NAV2: variants seen among roughly 807,000 people sequenced by gnomAD.
The protein encoded by NAV2 is helicase, APC down-regulated 1.
In NAV2, 54 loss-of-function variants were observed where a neutral mutation model predicts 223.2. The observed-to-expected ratio is 0.24, with a 90% CI of 0.19 to 0.30. NAV2 has a LOEUF of 0.30. Among genes scored for constraint, NAV2 ranks in the 10% least tolerant of loss-of-function variants. NAV2 has a pLI of 1.00. For synonymous variants in NAV2, 1,279 were observed against 1,239.3 expected (o/e 1.03, Z -0.67); for missense variants, 2,806 against 3,147.5 (o/e 0.89, Z 2.60).
chr11:19,848,908 G>A (rs116112030), intron 3 of NAV2, among the ~76,000 whole-genome samples: 1 of 152,156 alleles, frequency 6.6e-6, no homozygotes, highest in African/African-American at 2.4e-5. Context: ...GAACACTGTG[G>A]TCAGTCTCGC....
chr11:19,396,146 C>T (rs563789924), intron 1 of NAV2, among the ~76,000 whole-genome samples: 1 of 152,274 alleles, frequency 6.6e-6, no homozygotes, highest in East Asian at 1.9e-4. Context: ...TGTGAATAAC[C>T]AGTCTCAGCA....
intron 1 of NAV2, among the ~76,000 whole-genome samples, chr11:19,387,195 A>G (rs1410098646): frequency 2.0e-5 from 3 of 152,104 alleles, no homozygotes; most frequent in Non-Finnish European, 2.9e-5. Context: ...AATTTTCCAT[A>G]TCCTGCTGGG....
At chr11:19,386,260 A>G (rs1257006527) in intron 1 of NAV2, among the ~76,000 whole-genome samples, 1 of 152,210 alleles carries the variant, frequency 6.6e-6, no homozygotes, top group African/African-American at 2.4e-5. Flanking sequence ...TGAAAAACTG[A>G]TATCATTTTA....
intron 1 of NAV2, among the ~76,000 whole-genome samples, chr11:19,771,652 A>G (rs1238818857): frequency 1.3e-5 from 2 of 152,144 alleles, no homozygotes; most frequent in Non-Finnish European, 2.9e-5. Context: ...TGACAAATTA[A>G]ACCCTGTCAA....
intron 1 of NAV2, among the ~76,000 whole-genome samples, chr11:19,794,743 G>T (rs2057777422): frequency 1.3e-5 from 2 of 152,128 alleles, no homozygotes; most frequent in African/African-American, 4.8e-5. Context: ...GATGTCTAGA[G>T]AGAAAATGCC....
At chr11:20,035,872 G>A (rs372602240) in intron 11 of NAV2, 87 bp from the exon 12 acceptor site, 23 of 1,508,578 alleles carry the variant, frequency 1.5e-5, no homozygotes, top group Admixed American at 1.1e-4. Context: ...GGATCTTTTC[G>A]GGGATGGTGT....
chr11:20,051,230 T>C, intron 16 of NAV2, 59 bp from the exon 17 acceptor site: 1 of 1,472,234 alleles, frequency 6.8e-7, no homozygotes, highest in Non-Finnish European at 9.5e-7. Context: ...TAGCTTTCCC[T>C]CTCTCTGCCT....
At chr11:20,111,435 TACCC>T (rs1295168301) in intron 36 of NAV2, among the ~76,000 whole-genome samples, 1 of 152,198 alleles carries the variant, frequency 6.6e-6, no homozygotes, top group Non-Finnish European at 1.5e-5. Flanking sequence ...CCACAGTACT[TACCC>T]AGCCATTCAT....
At chr11:19,469,510 T>A (rs1050919436) in intron 1 of NAV2, among the ~76,000 whole-genome samples, 1 of 152,158 alleles carries the variant, frequency 6.6e-6, no homozygotes, top group Admixed American at 6.5e-5. Flanking sequence ...ACCAGAACCA[T>A]TTTCCCCATG....
chr11:19,979,390 G>T (rs1012211278), intron 10 of NAV2, among the ~76,000 whole-genome samples: 2 of 152,012 alleles, frequency 1.3e-5, no homozygotes, highest in African/African-American at 4.8e-5. Context: ...GTCCCATGCA[G>T]CCCAGTTCCT....
rs2063421670 is a variant in NAV2 at position 20,120,511 on chromosome 11, TG to T, written c.*2256del. The T allele has an allele frequency of 6.6e-6, 1 of 152,650 alleles. No homozygotes were observed. Among genetic ancestry groups the T allele is most frequent in the Admixed American group, 6.5e-5 (1 of 15,276 alleles). 9.5% of individuals were successfully genotyped at this position (152,650 alleles called of 1,614,324 possible). On this transcript the variant is annotated 3_prime_UTR_variant, in exon 38 of 38. Transcript: ENST00000349880. Reference sequence around the variant, plus strand: ...CTACTACACTCGCGTACTGTGAATTTGGGAGGAGGTAAAGTTGACTTCTCCT... The same window carrying T: ...CTACTACACTCGCGTACTGTGAATTTGGAGGAGGTAAAGTTGACTTCTCCT...
intron 22 of NAV2, among the ~76,000 whole-genome samples, chr11:20,076,037 T>C (rs1707946615): frequency 6.6e-6 from 1 of 152,198 alleles, no homozygotes; most frequent in African/African-American, 2.4e-5. Context: ...CAAGTGTCCA[T>C]GCATTCCTGT....
chr11:19,960,924 T>G (rs921643762), intron 10 of NAV2, among the ~76,000 whole-genome samples: 1 of 150,200 alleles, frequency 6.7e-6, no homozygotes, highest in African/African-American at 2.5e-5. Context: ...AGGGCCACCC[T>G]CTTTGCCTGG....
intron 1 of NAV2, among the ~76,000 whole-genome samples, chr11:19,704,022 G>A (rs77973177): frequency 2.6e-5 from 4 of 151,356 alleles, no homozygotes; most frequent in Non-Finnish European, 2.9e-5. Flanking sequence ...GGTTTTTTTT[G>A]GGGGGGTGGA....
In NAV2 at chr11:20,022,479, T is replaced by A. The variant is rs75281791; in HGVS notation, c.2769-13480T>A. On this transcript the variant is annotated intron_variant, in intron 11 of 37. Coordinates refer to ENST00000349880, the MANE Select transcript of NAV2 (RefSeq NM_145117.5). Reference sequence around the variant, plus strand: ...GCATCAAAATTGACATCACCGGAAATAATGTATGTGTGTCGTTGTTAACTG... The same window carrying A: ...GCATCAAAATTGACATCACCGGAAAAAATGTATGTGTGTCGTTGTTAACTG... 0.018 allele frequency: 16,576 copies of A among 908,672 alleles called. 1,985 individuals carry two copies. The African/African-American group carries it at 0.26, about 14-fold the overall frequency. 56.3% of individuals were successfully genotyped at this position (908,672 alleles called of 1,614,324 possible). A position where few individuals can be genotyped will look rare whatever the true frequency, so the allele number is the denominator to read the frequency against.
chr11:19,387,643 AC>A (rs1314325320), intron 1 of NAV2, among the ~76,000 whole-genome samples: 1 of 152,102 alleles, frequency 6.6e-6, no homozygotes, highest in Admixed American at 6.5e-5. Context: ...TGGGGACTTG[AC>A]CCAGAGAGTC....
Position 19,795,850 on chromosome 11 carries a change from A to G in NAV2, c.268-36634A>G, listed in dbSNP as rs556281970. Among the ~76,000 whole-genome samples, 25 of 152,324 alleles carry G rather than the reference A, an allele frequency of 1.6e-4. No individual in the cohort carries two copies. The East Asian group carries it at 4.0e-3, about 25-fold the overall frequency. The stretch of plus-strand genomic sequence containing the variant: ...TTCTTTGCCCAGCAAAAGGTTTTAT[A>G]GATACTTTGAGCCCTCCTTGGCCAT... On this transcript the variant is annotated intron_variant, in intron 1 of 37. Coordinates refer to ENST00000349880, the MANE Select transcript of NAV2 (RefSeq NM_145117.5).
At chr11:19,694,448 G>A (rs577979311) in intron 1 of NAV2, among the ~76,000 whole-genome samples, 1 of 152,302 alleles carries the variant, frequency 6.6e-6, no homozygotes, top group Admixed American at 6.5e-5. Context: ...GGAGGGGAGG[G>A]CCGCTGAACA....
chr11:19,998,890 A>G lies in NAV2; in HGVS notation c.2768+14643A>G, dbSNP rs2052240106. On this transcript the variant is annotated intron_variant, in intron 11 of 37. Transcript: ENST00000349880. This position sits in a 1 kb window ranked among gnomAD's most constrained non-coding sequence, Gnocchi z 5.0. ...CTTTCATGTGTGTTAATTTTTATTTATTTGCCTGTTATGTCTTTCCCACTA... is the reference window on the plus strand; with the variant it reads ...CTTTCATGTGTGTTAATTTTTATTTGTTTGCCTGTTATGTCTTTCCCACTA... Among the ~76,000 whole-genome samples the G allele has an allele frequency of 1.3e-5, 2 of 152,102 alleles. No individual in the cohort carries two copies. The highest frequency in any genetic ancestry group is 2.1e-4 in the South Asian group (1 of 4,828).
Sources: allele counts gnomAD v4.1 joint callset (sites outside exome capture counted in the v4.1 genomes callset), GRCh38; gene constraint gnomAD v4.1.1; non-coding constraint Gnocchi (gnomAD v3.1); transcripts MANE v1.5; gene names NCBI Gene and HGNC (gene_info 2026-07-23, HGNC 2026-07-21).